Variants in MMP26 observed in about 807,000 individuals in gnomAD.
The protein encoded by MMP26 is matrix metallopeptidase 26, also known as matrix metalloproteinase-26.
In MMP26, 33 loss-of-function variants were observed where a neutral mutation model predicts 31.0. The ratio of observed to expected loss-of-function variants is 1.06; its 90% confidence interval spans 0.81 to 1.42. The LOEUF is 1.42. Among genes scored for constraint, MMP26 ranks in the 40% most tolerant of loss-of-function variants. The pLI is 0.00. For missense variants in MMP26, 347 were observed against 316.1 expected, an observed-to-expected ratio of 1.10 and a Z score of -0.74; for synonymous variants, 122 against 114.9, an observed-to-expected ratio of 1.06 and a Z score of -0.40.
chr11:4,946,426 A>T (rs1474797079), intron 2 of MMP26: 1 of 1,609,220 alleles, frequency 6.2e-7, no homozygotes, highest in African/African-American at 1.3e-5. Flanking sequence ...TTCCCAGTAC[A>T]GTCTTGAGGA....
rs749087649 is a variant in MMP26, at chr11:4,860,534, G to T, written c.-145+93193G>T. 1.1e-5 allele frequency: 5 copies of T among 469,228 alleles called. No homozygotes were observed. The Middle Eastern group carries it at 9.9e-4, about 93-fold the overall frequency. 29.1% of individuals were successfully genotyped at this position (469,228 alleles called of 1,614,324 possible). ...ATACCTGTCAGAATGAAGTTACGGT[G>T]GTTGGCCTGTGATGCATTCAAGTTC... is the stretch of plus-strand genomic sequence containing the variant. On this transcript the variant is annotated intron_variant, in intron 2 of 7. Coordinates refer to ENST00000380390, the MANE Select transcript of MMP26 (RefSeq NM_021801.5).
intron 2 of MMP26, among the ~76,000 whole-genome samples, chr11:4,809,277 G>A (rs746580499): frequency 6.6e-5 from 10 of 152,088 alleles, no homozygotes; most frequent in African/African-American, 2.2e-4. Flanking sequence ...GACATAACAC[G>A]TTTAACGTCA....
At chr11:4,968,957 C>T (rs1230644185) in intron 2 of MMP26, among the ~76,000 whole-genome samples, 1 of 151,916 alleles carries the variant, frequency 6.6e-6, no homozygotes, top group Non-Finnish European at 1.5e-5. Flanking sequence ...ATCTTTCATA[C>T]TTCATACTTT....
rs11827142 is a variant in MMP26 at position 4,945,676 on chromosome 11, A to C, written c.-144-42392A>C. The C allele has an allele frequency of 5.3e-3, 989 of 185,504 alleles. 12 individuals carry two copies. Among genetic ancestry groups the C allele is most frequent in the African/African-American group, 0.022 (937 of 41,730 alleles). 11.5% of individuals were successfully genotyped at this position (185,504 alleles called of 1,614,324 possible). On this transcript the variant is annotated intron_variant, in intron 2 of 7. Transcript: ENST00000380390. ...AAACTATCTATTGGGTACTATGCTC[A>C]CTACCCGGGTCCCATATAACCATGT...
intron 2 of MMP26, among the ~76,000 whole-genome samples, chr11:4,855,010 T>C (rs1316038526): frequency 6.6e-6 from 1 of 152,148 alleles, no homozygotes; most frequent in African/African-American, 2.4e-5. Context: ...TCCTGACTGT[T>C]AGAAGGAAAA....
At chr11:4,907,555 C>T (rs868544088) in intron 2 of MMP26, 2 of 1,614,094 alleles carry the variant, frequency 1.2e-6, no homozygotes, top group Non-Finnish European at 1.7e-6. Context: ...TGTATTATTT[C>T]CTTGCCATGT....
Position 4,955,412 on chromosome 11 carries a change from G to T in MMP26, c.-144-32656G>T, listed in dbSNP as rs2133614716. The T allele has an allele frequency of 3.4e-6, 4 of 1,178,172 alleles. 2 individuals carry two copies. The highest frequency in any genetic ancestry group is 4.7e-6 in the Non-Finnish European group (4 of 853,240). The allele number at this position is 1,178,172 out of a possible 1,614,324, so 73.0% of individuals were successfully genotyped here. On this transcript the variant is annotated intron_variant, in intron 2 of 7. Coordinates refer to ENST00000380390, the MANE Select transcript of MMP26 (RefSeq NM_021801.5). ...GAATCCATGAATGAAGAATTCCTGGGCAAAGCAGGCACTAGAAGAAGTTTC... is the reference window on the plus strand; with the variant it reads ...GAATCCATGAATGAAGAATTCCTGGTCAAAGCAGGCACTAGAAGAAGTTTC...
intron 2 of MMP26, among the ~76,000 whole-genome samples, chr11:4,807,189 C>T (rs1323333882): frequency 6.6e-6 from 1 of 151,756 alleles, no homozygotes; most frequent in African/African-American, 2.4e-5. Flanking sequence ...GGGTAAATAC[C>T]CAGTAATGGG....
Position 4,775,751 on chromosome 11 carries a change from A to T in MMP26, c.-145+8410A>T, listed in dbSNP as rs542939557. ...CAAGGAAAGAGAGGAAGTGAGTGAG[A>T]GAGAGAGAGAGAGAGAGAGAAAGAG... is the stretch of plus-strand genomic sequence containing the variant. On this transcript the variant is annotated intron_variant, in intron 2 of 7. Coordinates refer to ENST00000380390, the MANE Select transcript of MMP26 (RefSeq NM_021801.5). 2.3e-3 allele frequency among the ~76,000 whole-genome samples: 346 copies of T among 150,964 alleles called. 2 individuals are homozygous for T. Among genetic ancestry groups the T allele is most frequent in the African/African-American group, 8.1e-3 (333 of 41,250 alleles).
intron 2 of MMP26, among the ~76,000 whole-genome samples, chr11:4,818,955 AAAGACAGAT>A (rs1390299433): frequency 1.3e-5 from 2 of 152,228 alleles, no homozygotes; most frequent in African/African-American, 4.8e-5. Context: ...CTGGAAGAAT[AAAGACAGAT>A]ATTAGAGGTT....
intron 1 of MMP26, among the ~76,000 whole-genome samples, chr11:4,735,249 T>C (rs11604459): frequency 0.11 from 16,286 of 152,292 alleles, 937 homozygotes; most frequent in Non-Finnish European, 0.12. Context: ...TGAATTGTTT[T>C]TCATTGACTA....
At chr11:4,883,831 G>T (rs1850511894) in intron 2 of MMP26, among the ~76,000 whole-genome samples, 1 of 152,014 alleles carries the variant, frequency 6.6e-6, no homozygotes, top group Admixed American at 6.6e-5. Flanking sequence ...GGGTTGTTAG[G>T]GTGCTGGAGA....
At chr11:4,789,028 A>G (rs1848985673) in intron 2 of MMP26, among the ~76,000 whole-genome samples, 1 of 152,126 alleles carries the variant, frequency 6.6e-6, no homozygotes, top group Admixed American at 6.5e-5. Flanking sequence ...ATTTTCCTCC[A>G]CTTATCTATT....
intron 2 of MMP26, among the ~76,000 whole-genome samples, chr11:4,871,550 G>C (rs1314172204): frequency 6.6e-6 from 1 of 152,080 alleles, no homozygotes; most frequent in Non-Finnish European, 1.5e-5. Context: ...AGACAAAGTA[G>C]ACTAGCATGC....
At chr11:4,726,818 G>C (rs1371458411) in intron 1 of MMP26, among the ~76,000 whole-genome samples, 1 of 152,084 alleles carries the variant, frequency 6.6e-6, no homozygotes, top group Non-Finnish European at 1.5e-5. Flanking sequence ...ACTAGCCTAA[G>C]CAGTATACTG....
chr11:4,806,378 C>T (rs944012481), intron 2 of MMP26, among the ~76,000 whole-genome samples: 22 of 151,844 alleles, frequency 1.4e-4, no homozygotes, highest in African/African-American at 2.4e-4. Flanking sequence ...TAGGTCTCTA[C>T]GGACTTGCTT....
At chr11:4,981,121 C>T (rs544080401) in intron 2 of MMP26, among the ~76,000 whole-genome samples, 6 of 152,018 alleles carry the variant, frequency 3.9e-5, no homozygotes, top group Admixed American at 6.6e-5. Context: ...AGAGAGTGTA[C>T]TGAAGATGGC....
chr11:4,991,570 G>A lies in MMP26; in HGVS notation c.595+74G>A, dbSNP rs142527103. On this transcript the variant is annotated intron_variant, in intron 6 of 7. Coordinates refer to ENST00000380390, the MANE Select transcript of MMP26 (RefSeq NM_021801.5). ...GTTCAGTGTTGATGGTTTCCATTTA[G>A]GGATCCAGAGTGGTCAGGGTGAGGT... The A allele has an allele frequency of 8.6e-4, 1,345 of 1,564,880 alleles. 7 individuals are homozygous for A. The African/African-American group carries it at 9.2e-3, about 11-fold the overall frequency.
chr11:4,782,757 G>A (rs1848881445), intron 2 of MMP26, among the ~76,000 whole-genome samples: 2 of 152,194 alleles, frequency 1.3e-5, no homozygotes, highest in South Asian at 4.1e-4. Flanking sequence ...TGTGCTGTGT[G>A]CAGTCTAGGG....
Sources: gnomAD v4.1 joint callset for allele counts (sites outside exome capture counted in the v4.1 genomes callset) on GRCh38, gnomAD v4.1.1 for gene constraint, MANE v1.5 for transcripts, NCBI Gene and HGNC (gene_info 2026-07-23, HGNC 2026-07-21) for gene names.